The following RCAN1 variants were observed in gnomAD, a reference collection of about 807,000 sequenced individuals.
RCAN1 encodes the protein regulator of calcineurin 1.
A neutral mutation model predicts 22.9 loss-of-function variants in RCAN1; 11 were observed. That is an observed-to-expected ratio of 0.48 (90% CI 0.30 to 0.79). RCAN1 has a LOEUF of 0.79. RCAN1 is among the 30% of genes least tolerant of loss of function. RCAN1 has a pLI of 0.06. For missense variants in RCAN1, 291 were observed against 337.8 expected (o/e 0.86, Z 1.09); for synonymous variants, 136 against 142.3 (o/e 0.96, Z 0.32).
At chr21:34,585,755 A>C (rs571598241) in intron 1 of RCAN1, among the ~76,000 whole-genome samples, 15 of 151,134 alleles carry the variant, frequency 9.9e-5, no homozygotes, top group African/African-American at 3.6e-4. Context: ...AAAAAAAAAA[A>C]AAAAAAAAAC....
intron 3 of RCAN1, among the ~76,000 whole-genome samples, chr21:34,520,660 G>A (rs1984442533): frequency 6.6e-6 from 1 of 152,174 alleles, no homozygotes; most frequent in Admixed American, 6.5e-5. Context: ...CAGAGCAGGA[G>A]AAGGCTCAAA....
At chr21:34,580,847 CT>C (rs1459453191) in intron 1 of RCAN1, among the ~76,000 whole-genome samples, 3 of 152,202 alleles carry the variant, frequency 2.0e-5, no homozygotes, top group African/African-American at 7.2e-5. Context: ...GCCTTGCAAA[CT>C]TTCTAGCACC....
At chr21:34,580,679 C>T (rs1221965340) in intron 1 of RCAN1, among the ~76,000 whole-genome samples, 2 of 152,254 alleles carry the variant, frequency 1.3e-5, no homozygotes, top group Middle Eastern at 3.4e-3. Flanking sequence ...ACTTGGCTCC[C>T]GGATGCTTTC....
Position 34,518,647 on chromosome 21 carries a change from T to C in RCAN1, c.587-391A>G, listed in dbSNP as rs962758291. 1.3e-5 allele frequency among the ~76,000 whole-genome samples: 2 copies of C among 152,236 alleles called. No homozygotes were observed. Among genetic ancestry groups the C allele is most frequent in the Non-Finnish European group, 2.9e-5 (2 of 68,044 alleles). ...AAAAAGATGGATGAAGAAACGTATTTGGAAACAGAACCCTGGGCCTCCCTC... is the reference window on the plus strand; with the variant it reads ...AAAAAGATGGATGAAGAAACGTATTCGGAAACAGAACCCTGGGCCTCCCTC... On this transcript the variant is annotated intron_variant, in intron 3 of 3. Coordinates refer to ENST00000313806, the MANE Select transcript of RCAN1 (RefSeq NM_004414.7). This position sits in a 1 kb window ranked among gnomAD's most constrained non-coding sequence, Gnocchi z 4.2.
chr21:34,522,245 T>C (rs954043863), intron 2 of RCAN1: 1 of 150,396 alleles, frequency 6.6e-6, no homozygotes, highest in African/African-American at 2.5e-5. Context: ...TAAGGAACAA[T>C]AACCTACGAT....
chr21:34,611,629 C>A (rs553767241), intron 1 of RCAN1, among the ~76,000 whole-genome samples: 1 of 152,164 alleles, frequency 6.6e-6, no homozygotes. Flanking sequence ...AAGGAGGGGA[C>A]GGCCAGACCC....
At chr21:34,528,312 T>C (rs1985188576) in intron 1 of RCAN1, among the ~76,000 whole-genome samples, 1 of 152,232 alleles carries the variant, frequency 6.6e-6, no homozygotes, top group African/African-American at 2.4e-5. Context: ...TGAGTGAGTG[T>C]TGCTTAATTT....
Position 34,614,777 on chromosome 21 carries a change from C to G in RCAN1, c.235G>C (p.Val79Leu), listed in dbSNP as rs748655558. The change falls in exon 1 of 4, where the codon GTG becomes CTG. Residue 79 changes from valine (V) to leucine (L), a missense_variant. Val to Leu is a conservative substitution (Grantham distance 32, BLOSUM62 1). Transcript: ENST00000313806. This position sits in a 1 kb window ranked among gnomAD's most constrained non-coding sequence, Gnocchi z 6.0. ...IACHLDPRVFVDGLCRAKFES... is the reference protein window; with the variant it reads ...IACHLDPRVFLDGLCRAKFES... ...GTCCTCACCCGGCACAGGCCGTCCACGAACACGCGCGGGTCCAGGTGACAG... is the reference window on the plus strand; with the variant it reads ...GTCCTCACCCGGCACAGGCCGTCCAGGAACACGCGCGGGTCCAGGTGACAG... The G allele has an allele frequency of 3.0e-4, 442 of 1,462,778 alleles. No individual in the cohort carries two copies. The highest frequency in any genetic ancestry group is 3.8e-4 in the Non-Finnish European group (416 of 1,103,876). 90.6% of individuals were successfully genotyped at this position (1,462,778 alleles called of 1,614,324 possible).
At chr21:34,524,766 T>C in intron 1 of RCAN1, 1 of 267,884 alleles carries the variant, frequency 3.7e-6, no homozygotes, top group Non-Finnish European at 7.2e-6. Flanking sequence ...GCTCTTAGAA[T>C]GCAAAGCTCG....
chr21:34,595,760 C>T (rs78255319), intron 1 of RCAN1, among the ~76,000 whole-genome samples: 74 of 152,342 alleles, frequency 4.9e-4, no homozygotes, highest in Non-Finnish European at 8.8e-4. Flanking sequence ...CCCACTCACA[C>T]GCTGCCTGGA....
chr21:34,554,952 C>A (rs907337425), intron 1 of RCAN1, among the ~76,000 whole-genome samples: 1 of 152,192 alleles, frequency 6.6e-6, no homozygotes, highest in African/African-American at 2.4e-5. Context: ...GAAAGACCTG[C>A]CCCCATGATT....
intron 1 of RCAN1, among the ~76,000 whole-genome samples, chr21:34,579,079 C>T (rs1026191080): frequency 6.6e-6 from 1 of 152,168 alleles, no homozygotes; most frequent in Non-Finnish European, 1.5e-5. Context: ...TGTTTAGGAA[C>T]TGCTTGGAAG....
intron 1 of RCAN1, chr21:34,526,823 G>C: frequency 1.3e-6 from 2 of 1,541,566 alleles, no homozygotes; most frequent in Non-Finnish European, 1.7e-6. Flanking sequence ...CCAAGAGGCT[G>C]TAGGTTCCTT....
chr21:34,614,337 T>A lies in RCAN1; in HGVS notation c.252+423A>T. 1.0e-6 allele frequency: 1 copy of A among 990,336 alleles called. No individual in the cohort carries two copies. Among genetic ancestry groups the A allele is most frequent in the Non-Finnish European group, 1.2e-6 (1 of 833,350 alleles). The allele number at this position is 990,336 out of a possible 1,614,324, so 61.3% of individuals were successfully genotyped here. On this transcript the variant is annotated intron_variant, in intron 1 of 3. Coordinates refer to ENST00000313806, the MANE Select transcript of RCAN1 (RefSeq NM_004414.7). The surrounding 1 kb of genome is among the most constrained non-coding windows in gnomAD (Gnocchi z 6.0). The stretch of plus-strand genomic sequence containing the variant: ...GGGAATGCAGGGACGTCGTCCTATT[T>A]ATGAACACTGAGTCACGTCGCCGCT...
At chr21:34,593,811 A>G (rs1988053281) in intron 1 of RCAN1, among the ~76,000 whole-genome samples, 1 of 152,256 alleles carries the variant, frequency 6.6e-6, no homozygotes, top group Non-Finnish European at 1.5e-5. Flanking sequence ...GGAACCAGGT[A>G]CAGTCCCTGC....
chr21:34,602,353 C>T (rs745779927), intron 1 of RCAN1, among the ~76,000 whole-genome samples: 1 of 152,188 alleles, frequency 6.6e-6, no homozygotes, highest in Non-Finnish European at 1.5e-5. Flanking sequence ...CCACAACCAA[C>T]AAGCTCTATA....
At chr21:34,572,736 G>C (rs1463201645) in intron 1 of RCAN1, among the ~76,000 whole-genome samples, 1 of 152,242 alleles carries the variant, frequency 6.6e-6, no homozygotes, top group Middle Eastern at 3.4e-3. Flanking sequence ...AAAAGAGGTT[G>C]AATGGACTCA....
chr21:34,519,681 G>A (rs35234878), intron 3 of RCAN1, among the ~76,000 whole-genome samples: 55,543 of 151,828 alleles, frequency 0.37, 10,495 homozygotes, highest in East Asian at 0.62. Context: ...ACAGGCATGA[G>A]CCACCGCGCC....
chr21:34,526,336 C>T lies in RCAN1; in HGVS notation c.253-2626G>A, dbSNP rs543742141. 3.9e-5 allele frequency among the ~76,000 whole-genome samples: 6 copies of T among 152,340 alleles called. No homozygotes were observed. The South Asian group carries it at 1.2e-3, about 32-fold the overall frequency. On this transcript the variant is annotated intron_variant, in intron 1 of 3. Coordinates refer to ENST00000313806, the MANE Select transcript of RCAN1 (RefSeq NM_004414.7). ...CAACGCTGGCTACAAAAGTAAAACA[C>T]TATTCACTGTCAGAAGAGGCCTCTT...
Sources: gnomAD v4.1 joint callset for allele counts (sites outside exome capture counted in the v4.1 genomes callset) on GRCh38, gnomAD v4.1.1 for gene constraint, Gnocchi (gnomAD v3.1) non-coding constraint, MANE v1.5 for transcripts, NCBI Gene and HGNC (gene_info 2026-07-23, HGNC 2026-07-21) for gene names.